Variants in ABHD6 observed in about 807,000 individuals in gnomAD.
ABHD6 encodes abhydrolase domain containing 6, acylglycerol lipase.
Under a neutral mutation model 38.8 loss-of-function variants are expected in ABHD6, and 33 were observed. The observed-to-expected ratio is 0.85, with a 90% CI of 0.64 to 1.14. ABHD6 has a LOEUF of 1.14. ABHD6 is among the 50% of genes most tolerant of loss of function. The probability of loss-of-function intolerance (pLI) is 0.00; values close to 1 mark genes in which losing one functional copy is unlikely to be tolerated. For missense variants in ABHD6, 380 were observed against 422.6 expected, an observed-to-expected ratio of 0.90 and a Z score of 0.88; for synonymous variants, 147 against 161.6, an observed-to-expected ratio of 0.91 and a Z score of 0.69.
intron 7 of ABHD6, among the ~76,000 whole-genome samples, chr3:58,283,268 A>C (rs2097454615): frequency 6.6e-6 from 1 of 152,226 alleles, no homozygotes; most frequent in Non-Finnish European, 1.5e-5. Flanking sequence ...TAGAGTGGCC[A>C]AATGATGTTT....
chr3:58,282,651 A>T (rs1366592011), intron 7 of ABHD6, among the ~76,000 whole-genome samples: 4 of 152,138 alleles, frequency 2.6e-5, no homozygotes, highest in Non-Finnish European at 5.9e-5. Flanking sequence ...TGAGAGGATC[A>T]CCTGAGCCCA....
At position 58,285,226 on chromosome 3, in the gene ABHD6, T is replaced by G. The variant is rs141301704; in HGVS notation, c.736+87T>G. ...TTTATTTCTTAAATCTCTGACACTT[T>G]GAATGTCTCTTTGGGCCCCTGAAGA... On this transcript the variant is annotated intron_variant, in intron 8 of 9. Transcript: ENST00000478253. The surrounding 1 kb of genome is among the most constrained non-coding windows in gnomAD (Gnocchi z 4.9). 1 of 1,546,824 alleles carries G rather than the reference T, an allele frequency of 6.5e-7. No homozygotes were observed. Among genetic ancestry groups the G allele is most frequent in the Non-Finnish European group, 8.9e-7 (1 of 1,119,072 alleles).
intron 1 of ABHD6, among the ~76,000 whole-genome samples, chr3:58,247,471 A>G (rs1575513259): frequency 6.6e-6 from 1 of 152,192 alleles, no homozygotes; most frequent in South Asian, 2.1e-4. Flanking sequence ...TTTAATTTCA[A>G]TTTAATTTTA....
intron 1 of ABHD6, among the ~76,000 whole-genome samples, chr3:58,244,869 G>T (rs1478296078): frequency 2.0e-5 from 3 of 152,086 alleles, no homozygotes; most frequent in Non-Finnish European, 2.9e-5. Flanking sequence ...TTTAGATAAA[G>T]TACTAAACAA....
chr3:58,278,511 C>G (rs1223434898), intron 7 of ABHD6, among the ~76,000 whole-genome samples: 4 of 152,026 alleles, frequency 2.6e-5, no homozygotes, highest in African/African-American at 9.7e-5. Flanking sequence ...ATTAGTCTTG[C>G]CAGTGGTCTG....
chr3:58,274,603 G>A (rs1288228720), intron 6 of ABHD6, 55 bp from the exon 7 acceptor site: 2 of 1,554,940 alleles, frequency 1.3e-6, no homozygotes, highest in East Asian at 2.3e-5. Flanking sequence ...TATATAAAAT[G>A]GGATTGGTAA....
rs2097464582 is a variant in ABHD6, at chr3:58,293,233, C to T, written c.838-356C>T. ...TGAATGCTCCTCCCCTGTCCCCTTTCTGCTCTCCCGGGACTCAGGAACGAG... is the reference window on the plus strand; with the variant it reads ...TGAATGCTCCTCCCCTGTCCCCTTTTTGCTCTCCCGGGACTCAGGAACGAG... On this transcript the variant is annotated intron_variant, in intron 9 of 9. Transcript: ENST00000478253. The surrounding 1 kb of genome is among the most constrained non-coding windows in gnomAD (Gnocchi z 4.4). Among the ~76,000 whole-genome samples, 1 of 152,170 alleles carries T rather than the reference C, an allele frequency of 6.6e-6. No individual in the cohort carries two copies. The highest frequency in any genetic ancestry group is 2.1e-4 in the South Asian group (1 of 4,832).
At position 58,273,822 on chromosome 3, in the gene ABHD6, C is replaced by T. The variant is rs539068497; in HGVS notation, c.524-836C>T. Among the ~76,000 whole-genome samples the T allele has an allele frequency of 1.3e-5, 2 of 152,166 alleles. No individual in the cohort carries two copies. The highest frequency in any genetic ancestry group is 6.5e-5 in the Admixed American group (1 of 15,278). ...CGGGTTGATAGGTGCAGCAAACCAC[C>T]GTGGCACATGTATACCTATGTAACA... On this transcript the variant is annotated intron_variant, in intron 6 of 9. Coordinates refer to ENST00000478253, the MANE Select transcript of ABHD6 (RefSeq NM_001320126.2). This position sits in a 1 kb window ranked among gnomAD's most constrained non-coding sequence, Gnocchi z 4.8.
chr3:58,269,445 G>A lies in ABHD6; in HGVS notation c.390+11G>A. ...AAGAGGATACACCAGGTAAGCAGGA[G>A]GCTCTACCAAAGATTGCCCAGACTG... is the stretch of plus-strand genomic sequence containing the variant. On this transcript the variant is annotated intron_variant, in intron 5 of 9. Coordinates refer to ENST00000478253, the MANE Select transcript of ABHD6 (RefSeq NM_001320126.2). The surrounding 1 kb of genome is among the most constrained non-coding windows in gnomAD (Gnocchi z 4.4). The A allele has an allele frequency of 6.2e-7, 1 of 1,603,026 alleles. No homozygotes were observed. Among genetic ancestry groups the A allele is most frequent in the East Asian group, 2.2e-5 (1 of 44,784 alleles).
intron 7 of ABHD6, among the ~76,000 whole-genome samples, chr3:58,277,087 G>C (rs2097449279): frequency 6.6e-6 from 1 of 152,094 alleles, no homozygotes; most frequent in Non-Finnish European, 1.5e-5. Context: ...GAATTGTCTT[G>C]GCAATGCAGG....
chr3:58,285,850 TC>T lies in ABHD6; in HGVS notation c.837+398del. ...CTTGAATATATTTCTTTTCTTTTTT[TC>T]GTTTGAGACGGAGTCTTGCTCTGTC... is the stretch of plus-strand genomic sequence containing the variant. On this transcript the variant is annotated intron_variant, in intron 9 of 9. Transcript: ENST00000478253. The surrounding 1 kb of genome is among the most constrained non-coding windows in gnomAD (Gnocchi z 4.9). Among the ~76,000 whole-genome samples the T allele has an allele frequency of 6.6e-6, 1 of 152,072 alleles. No homozygotes were observed. The highest frequency in any genetic ancestry group is 1.9e-4 in the East Asian group (1 of 5,184).
chr3:58,270,747 CCAGA>C (rs1237764629), intron 5 of ABHD6, among the ~76,000 whole-genome samples, 181 bp from the exon 6 acceptor site: 3 of 152,288 alleles, frequency 2.0e-5, no homozygotes, highest in South Asian at 2.1e-4. Context: ...ATCTCTTGTG[CCAGA>C]CAGAGAAGTC....
chr3:58,286,846 G>GCATATATATATATA lies in ABHD6; in HGVS notation c.837+1393_837+1394insCATATATATATATA, dbSNP rs1304640108. Among the ~76,000 whole-genome samples, 60 of 90,214 alleles carry GCATATATATATATA rather than the reference G, an allele frequency of 6.7e-4. 1 individual carries two copies. Among genetic ancestry groups the GCATATATATATATA allele is most frequent in the Admixed American group, 8.7e-4 (7 of 8,058 alleles). The allele number at this position is 90,214 out of a possible 152,430, so 59.2% of individuals were successfully genotyped here. A position where few individuals can be genotyped will look rare whatever the true frequency, so the allele number is the denominator to read the frequency against. ...TATGTGTGTGTGTGTGTGTGTGTGT[G>GCATATATATATATA]TGTGTGTATATATATATATATATGT... is the stretch of plus-strand genomic sequence containing the variant. On this transcript the variant is annotated intron_variant, in intron 9 of 9. Transcript: ENST00000478253.
Position 58,274,007 on chromosome 3 carries a change from C to T in ABHD6, c.524-651C>T, listed in dbSNP as rs181843428. 3.7e-4 allele frequency among the ~76,000 whole-genome samples: 57 copies of T among 152,286 alleles called. 1 individual carries two copies. The East Asian group carries it at 6.9e-3, about 19-fold the overall frequency. On this transcript the variant is annotated intron_variant, in intron 6 of 9. Transcript: ENST00000478253. Reference sequence around the variant, plus strand: ...CATAGCATCAGCTTCTGTGGACTCTCGTGTCGTGCCCTGAGGTGATGGGAG... The same window carrying T: ...CATAGCATCAGCTTCTGTGGACTCTTGTGTCGTGCCCTGAGGTGATGGGAG...
At chr3:58,277,612 G>T (rs1334101509) in intron 7 of ABHD6, among the ~76,000 whole-genome samples, 1 of 152,068 alleles carries the variant, frequency 6.6e-6, no homozygotes, top group Non-Finnish European at 1.5e-5. Flanking sequence ...TATTTCTCTT[G>T]CCTGATTGCA....
chr3:58,244,126 G>T (rs2097424701), intron 1 of ABHD6, among the ~76,000 whole-genome samples: 1 of 152,148 alleles, frequency 6.6e-6, no homozygotes, highest in African/African-American at 2.4e-5. Flanking sequence ...CAGATGTTTT[G>T]CAAATATGAC....
In ABHD6 at chr3:58,285,450, C is replaced by G; in HGVS notation, c.834C>G (p.Asp278Glu). The change falls in exon 9 of 10, where the codon GAC becomes GAG. Residue 278 changes from aspartate (D) to glutamate (E), a missense_variant. Transcript: ENST00000478253. The surrounding 1 kb of genome is among the most constrained non-coding windows in gnomAD (Gnocchi z 4.9). ...CGCAGATCATCTGGGGGAAACAAGA[C>G]CAGGTATGTAACACATCCCCGCGGC... ...VPTQIIWGKQ[D>E]QVLDVSGADM... 6.2e-7 allele frequency: 1 copy of G among 1,613,592 alleles called. No homozygotes were observed. The highest frequency in any genetic ancestry group is 8.5e-7 in the Non-Finnish European group (1 of 1,179,506).
Position 58,256,605 on chromosome 3 carries a change from A to C in ABHD6, c.19A>C (p.Asn7His), listed in dbSNP as rs2097433496. Residue 7 changes from asparagine (N) to histidine (H), a missense_variant, in exon 3 of 10, where the codon AAC becomes CAC. Physicochemically the swap from Asn to His is moderately conservative, Grantham distance 68. Coordinates refer to ENST00000478253, the MANE Select transcript of ABHD6 (RefSeq NM_001320126.2). The surrounding 1 kb of genome is among the most constrained non-coding windows in gnomAD (Gnocchi z 4.3). The part of the protein sequence containing the change: MDLDVV[N>H]MFVIAGGTLA... Reference sequence around the variant, plus strand: ...GAGCAGGATGGATCTTGATGTGGTTAACATGTTTGTGATTGCGGGCGGCAC... The same window carrying C: ...GAGCAGGATGGATCTTGATGTGGTTCACATGTTTGTGATTGCGGGCGGCAC... 6.2e-7 allele frequency: 1 copy of C among 1,613,976 alleles called. No homozygotes were observed. Among genetic ancestry groups the C allele is most frequent in the African/African-American group, 1.3e-5 (1 of 74,934 alleles).
At position 58,275,992 on chromosome 3, in the gene ABHD6, C is replaced by T. The variant is rs149491177; in HGVS notation, c.681+1177C>T. Among the ~76,000 whole-genome samples the T allele has an allele frequency of 5.7e-3, 866 of 152,316 alleles. 12 individuals are homozygous for T. The highest frequency in any genetic ancestry group is 0.02 in the African/African-American group (824 of 41,564). On this transcript the variant is annotated intron_variant, in intron 7 of 9. Transcript: ENST00000478253. ...AGTATTCCATGGTCTGTATGTGTCA[C>T]ATTTTCTTAATCCAGTCTACCATTG...
Sources: gnomAD v4.1 joint callset for allele counts (sites outside exome capture counted in the v4.1 genomes callset) on GRCh38, gnomAD v4.1.1 for gene constraint, Gnocchi (gnomAD v3.1) non-coding constraint, MANE v1.5 for transcripts, NCBI Gene and HGNC (gene_info 2026-07-23, HGNC 2026-07-21) for gene names.